Variants in HNRNPA2B1 observed in about 807,000 individuals in gnomAD.
HNRNPA2B1 encodes the protein heterogeneous nuclear ribonucleoproteins A2/B1.
In HNRNPA2B1, 3 loss-of-function variants were observed where a neutral mutation model predicts 46.3. That is an observed-to-expected ratio of 0.06 (90% CI 0.03 to 0.17). The LOEUF is 0.17. HNRNPA2B1 is among the 10% of genes least tolerant of loss of function. The pLI, the probability that HNRNPA2B1 is intolerant of heterozygous loss-of-function variation, is 1.00. For synonymous variants in HNRNPA2B1, 225 were observed against 133.8 expected, an observed-to-expected ratio of 1.68 and a Z score of -4.70; for missense variants, 221 against 418.9, an observed-to-expected ratio of 0.53 and a Z score of 4.12.
chr7:26,195,618 A>G (rs1415037779), intron 7 of HNRNPA2B1: 4 of 517,652 alleles, frequency 7.7e-6, no homozygotes, highest in Admixed American at 3.8e-5. Flanking sequence ...AGAAAAGATG[A>G]GATACTCTGA....
chr7:26,193,104 T>C (rs1348930453), intron 9 of HNRNPA2B1, 147 bp downstream of exon 9: 1 of 727,108 alleles, frequency 1.4e-6, no homozygotes. Flanking sequence ...TGTGGAGATT[T>C]ATGCAAAATT....
Position 26,196,690 on chromosome 7 carries a change from T to G in HNRNPA2B1, c.476-32A>C, listed in dbSNP as rs1309863447. On this transcript the variant is annotated intron_variant, in intron 4 of 10. Coordinates refer to ENST00000618183, the MANE Select transcript of HNRNPA2B1 (RefSeq NM_002137.4). ...TGAAAAATTCAGACTCCTTTTAAAT[T>G]AAATCAACAATATTAAGCAGCTTCA... The G allele has an allele frequency of 2.5e-6, 4 of 1,586,362 alleles. No homozygotes were observed. In the African/African-American group the frequency reaches 4.1e-5, roughly 16 times the overall value.
rs763226168 is a variant in HNRNPA2B1 at position 26,193,337 on chromosome 7, T to C, written c.878A>G (p.Asn293Ser). Reference sequence around the variant, plus strand: ...GTAGTTAGAAGGTTGCTGGTTATAATTTCCAAAATCATTGTAATTTCCACT... The same window carrying C: ...GTAGTTAGAAGGTTGCTGGTTATAACTTCCAAAATCATTGTAATTTCCACT... ...YGSGNYNDFG[N>S]YNQQPSNYGP... The change falls in exon 9 of 11, where the codon AAT becomes AGT. Residue 293 changes from asparagine (N) to serine (S), a missense_variant. Around this residue, in one of 2 missense-constraint regions of HNRNPA2B1, gnomAD observed 143 missense variants for 200.5 expected, o/e 0.71. Transcript: ENST00000618183. The C allele has an allele frequency of 1.2e-5, 20 of 1,612,596 alleles. No homozygotes were observed. In the South Asian group the frequency reaches 1.4e-4, roughly 12 times the overall value.
intron 4 of HNRNPA2B1, 70 bp downstream of exon 4, chr7:26,196,737 T>C: frequency 1.3e-6 from 2 of 1,562,956 alleles, no homozygotes; most frequent in Non-Finnish European, 1.8e-6. Flanking sequence ...TTCAATAAAG[T>C]TACAGATGTT....
At position 26,196,160 on chromosome 7, in the gene HNRNPA2B1, G is replaced by A. The variant is rs141860059; in HGVS notation, c.658+241C>T. Among the ~76,000 whole-genome samples, 70 of 152,268 alleles carry A rather than the reference G, an allele frequency of 4.6e-4. No individual in the cohort carries two copies. The East Asian group carries it at 8.1e-3, about 18-fold the overall frequency. On this transcript the variant is annotated intron_variant, in intron 6 of 10. Transcript: ENST00000618183. ...TACGTAAGAATGACACTTGATGGGG[G>A]TCAAAGCTTTTCGGATGACACTTCA...
intron 1 of HNRNPA2B1, 187 bp downstream of exon 1, chr7:26,200,385 G>A (rs546778885): frequency 3.4e-5 from 23 of 679,724 alleles, no homozygotes; most frequent in African/African-American, 1.1e-4. Flanking sequence ...GGAGGCTGAG[G>A]GTGGGGAAGC....
intron 7 of HNRNPA2B1, 69 bp downstream of exon 7, chr7:26,195,775 TAAA>T (rs1296872331): frequency 2.0e-6 from 3 of 1,507,006 alleles, no homozygotes; most frequent in Non-Finnish European, 2.7e-6. Flanking sequence ...ACTCAAAATA[TAAA>T]TGAAGTAAAT....
At position 26,197,510 on chromosome 7, in the gene HNRNPA2B1, T is replaced by A. The variant is rs188991428; in HGVS notation, c.118-49A>T. 140 of 1,593,772 alleles carry A rather than the reference T, an allele frequency of 8.8e-5. 1 individual carries two copies. The East Asian group carries it at 2.2e-3, about 25-fold the overall frequency. On this transcript the variant is annotated intron_variant, in intron 2 of 10. Coordinates refer to ENST00000618183, the MANE Select transcript of HNRNPA2B1 (RefSeq NM_002137.4). Reference sequence around the variant, plus strand: ...TAGCATTTAATCTCATTATAGCTTATAAGTGAAGTCATAATAGAATTTTTT... The same window carrying A: ...TAGCATTTAATCTCATTATAGCTTAAAAGTGAAGTCATAATAGAATTTTTT...
rs765178125 is a variant in HNRNPA2B1 at position 26,192,531 on chromosome 7, C to A, written c.1011G>T (p.Gly337=). ...AGGAAGAAGCTCAGTATCGGCTCCT[C>A]CCACCATAACCCCCACTTCCTCCAC... The part of the protein sequence containing the change: ...GGSGGSGGYG[G]RSRY Residue 337 remains glycine, a synonymous_variant, in exon 10 of 11, where the codon GGG becomes GGT. Transcript: ENST00000618183. The A allele has an allele frequency of 4.3e-6, 7 of 1,613,766 alleles. No homozygotes were observed. In the South Asian group the frequency reaches 7.7e-5, roughly 18 times the overall value.
At chr7:26,193,222 T>C in intron 9 of HNRNPA2B1, 29 bp downstream of exon 9, 1 of 1,600,220 alleles carries the variant, frequency 6.2e-7, no homozygotes, top group Non-Finnish European at 8.5e-7. Context: ...ATCACAAAAA[T>C]CTGAATAACC....
At chr7:26,195,227 A>G (rs1783424506) in intron 7 of HNRNPA2B1, among the ~76,000 whole-genome samples, 2 of 152,190 alleles carry the variant, frequency 1.3e-5, no homozygotes, top group East Asian at 1.9e-4. Flanking sequence ...AGTGAGATAC[A>G]CTATTTAGTC....
intron 7 of HNRNPA2B1, among the ~76,000 whole-genome samples, chr7:26,194,573 A>AC (rs1783295511): frequency 6.6e-6 from 1 of 151,122 alleles, no homozygotes; most frequent in African/African-American, 2.4e-5. Flanking sequence ...ATGGTGGCAC[A>AC]CCCCGTAGTT....
At chr7:26,198,052 AAT>A (rs1049015930) in intron 1 of HNRNPA2B1, 11 of 437,860 alleles carry the variant, frequency 2.5e-5, no homozygotes, top group African/African-American at 2.1e-4. Context: ...TCTAAGGAAA[AAT>A]AAACAAATGT....
intron 3 of HNRNPA2B1, 27 bp downstream of exon 3, chr7:26,197,288 T>G (rs769924474): frequency 3.2e-6 from 5 of 1,574,122 alleles, no homozygotes; most frequent in Non-Finnish European, 4.3e-6. Context: ...TTCATGTTAA[T>G]GCACAAGACA....
chr7:26,200,542 T>C (rs747661278), intron 1 of HNRNPA2B1, 30 bp downstream of exon 1: 8 of 1,612,230 alleles, frequency 5.0e-6, no homozygotes, highest in African/African-American at 4.0e-5. Flanking sequence ...CATGCCCTTT[T>C]CAATAACTCA....
At chr7:26,193,199 G>C (rs1190609123) in intron 9 of HNRNPA2B1, 52 bp downstream of exon 9, 8 of 1,560,070 alleles carry the variant, frequency 5.1e-6, no homozygotes, top group South Asian at 2.3e-5. Flanking sequence ...AGTCACAAAA[G>C]GCTAATCCTT....
chr7:26,195,944 A>G (rs1017322086), intron 6 of HNRNPA2B1, 35 bp from the exon 7 acceptor site: 11 of 1,579,908 alleles, frequency 7.0e-6, no homozygotes, highest in African/African-American at 6.9e-5. Flanking sequence ...CGTTTACTAT[A>G]AACTGTTCAG....
chr7:26,194,257 A>G (rs1056926763), intron 7 of HNRNPA2B1, among the ~76,000 whole-genome samples: 5 of 152,144 alleles, frequency 3.3e-5, no homozygotes, highest in African/African-American at 1.2e-4. Flanking sequence ...TTAGCCGGAC[A>G]TGGTGGCAGC....
chr7:26,195,777 A>T (rs1562710313), intron 7 of HNRNPA2B1, 70 bp downstream of exon 7: 3 of 1,516,614 alleles, frequency 2.0e-6, no homozygotes, highest in African/African-American at 1.4e-5. Flanking sequence ...TCAAAATATA[A>T]ATGAAGTAAA....
Sources: allele counts gnomAD v4.1 joint callset (sites outside exome capture counted in the v4.1 genomes callset), GRCh38; gene constraint gnomAD v4.1.1; regional missense constraint gnomAD v4.1.1; transcripts MANE v1.5; gene names NCBI Gene and HGNC (gene_info 2026-07-23, HGNC 2026-07-21).